Variants in WRAP73 observed in about 807,000 individuals in gnomAD.
The protein encoded by WRAP73 is WD repeat-containing protein WRAP73.
A neutral mutation model predicts 59.6 loss-of-function variants in WRAP73; 55 were observed. The observed-to-expected ratio is 0.92, with a 90% CI of 0.74 to 1.15. The LOEUF (loss-of-function observed/expected upper bound fraction) is 1.15. WRAP73 is among the 50% of genes most tolerant of loss of function. The pLI, the probability that WRAP73 is intolerant of heterozygous loss-of-function variation, is 0.00. For missense variants in WRAP73, 592 were observed against 608.1 expected (o/e 0.97, Z 0.28); for synonymous variants, 265 against 258.2 (o/e 1.03, Z -0.25).
intron 9 of WRAP73, 195 bp from the exon 10 acceptor site, chr1:3,632,533 C>T (rs893043582): frequency 1.9e-5 from 15 of 801,170 alleles, no homozygotes; most frequent in South Asian, 1.2e-4. Context: ...GCAAGTGCCC[C>T]GGATGAGAGT....
intron 10 of WRAP73, 33 bp from the exon 11 acceptor site, chr1:3,631,690 C>T (rs1164263108): frequency 7.0e-6 from 11 of 1,562,658 alleles, no homozygotes; most frequent in Non-Finnish European, 9.5e-6. Flanking sequence ...CCGGTGTCAT[C>T]CCTGCCTGGC....
At chr1:3,649,811 G>T in intron 1 of WRAP73, 120 bp downstream of exon 1, 1 of 1,096,106 alleles carries the variant, frequency 9.1e-7, no homozygotes, top group Non-Finnish European at 1.3e-6. Context: ...GCACCTGTCC[G>T]GGCACCGCAC....
At chr1:3,637,638 T>C (rs2101960534) in intron 4 of WRAP73, among the ~76,000 whole-genome samples, 1 of 152,314 alleles carries the variant, frequency 6.6e-6, no homozygotes, top group South Asian at 2.1e-4. Flanking sequence ...GCCTAGGAAT[T>C]TGAAAGGAGC....
intron 8 of WRAP73, chr1:3,633,960 C>T (rs1273850921): frequency 1.2e-5 from 2 of 161,344 alleles, no homozygotes; most frequent in East Asian, 1.9e-4. Context: ...AGGCGGGCAG[C>T]CCCTACGCCC....
At chr1:3,634,612 G>C in intron 8 of WRAP73, 2 of 273,310 alleles carry the variant, frequency 7.3e-6, no homozygotes, top group Non-Finnish European at 1.4e-5. Flanking sequence ...GCAGGGGTCT[G>C]TCTCTTCTTC....
Position 3,631,040 on chromosome 1 carries a change from G to A in WRAP73, c.1318C>T (p.Leu440Phe), listed in dbSNP as rs1644526980. ...MALLSKDHFCLCFLETEAVVG... is the reference protein window; with the variant it reads ...MALLSKDHFCFCFLETEAVVG... ...ACTGCCTCTGTCTCCAGGAAGCAGA[G>A]GCAGAAGTGATCCTTGCTGAGGAGG... Residue 440 changes from leucine to phenylalanine, a missense_variant, in exon 12 of 12, where the codon CTC becomes TTC. Leu to Phe is a conservative substitution (Grantham distance 22, BLOSUM62 0). Coordinates refer to ENST00000270708, the MANE Select transcript of WRAP73 (RefSeq NM_017818.4). The A allele has an allele frequency of 1.2e-6, 2 of 1,613,102 alleles. No homozygotes were observed. The highest frequency in any genetic ancestry group is 1.7e-6 in the Non-Finnish European group (2 of 1,180,022).
At chr1:3,642,674 T>C (rs371023322) in intron 3 of WRAP73, among the ~76,000 whole-genome samples, 7 of 150,392 alleles carry the variant, frequency 4.7e-5, no homozygotes, top group East Asian at 2.0e-4. Flanking sequence ...GAGGCGTAGG[T>C]TGCGGTGAGC....
intron 1 of WRAP73, among the ~76,000 whole-genome samples, chr1:3,649,341 C>A (rs1262221360): frequency 1.3e-5 from 2 of 152,158 alleles, no homozygotes; most frequent in African/African-American, 4.8e-5. Flanking sequence ...ATCATTTATT[C>A]GGCATGTGGT....
At chr1:3,648,944 G>A (rs183102144) in intron 1 of WRAP73, among the ~76,000 whole-genome samples, 84 of 152,302 alleles carry the variant, frequency 5.5e-4, no homozygotes, top group Middle Eastern at 6.8e-3. Context: ...AACGTAATTT[G>A]AGAGTTAAAC....
Position 3,633,239 on chromosome 1 carries a change from T to C in WRAP73, c.922+159A>G. 10 of 716,230 alleles carry C rather than the reference T, an allele frequency of 1.4e-5. No homozygotes were observed. The South Asian group carries it at 1.5e-4, about 11-fold the overall frequency. The allele number at this position is 716,230 out of a possible 1,614,324, so 44.4% of individuals were successfully genotyped here. On this transcript the variant is annotated intron_variant, in intron 9 of 11. Coordinates refer to ENST00000270708, the MANE Select transcript of WRAP73 (RefSeq NM_017818.4). ...GCCCACTGCGCAATTCAGACCCTAG[T>C]CAACCTCCAGCCAACAGGCTGAGGG...
At chr1:3,631,885 ATT>A (rs61056079) in intron 10 of WRAP73, 380 of 1,333,506 alleles carry the variant, frequency 2.8e-4, no homozygotes, top group Middle Eastern at 1.7e-3. Context: ...TTTCTTTGGT[ATT>A]TTTTTTTTTT....
At position 3,632,289 on chromosome 1, in the gene WRAP73, G is replaced by A. The variant is rs760781741; in HGVS notation, c.972C>T (p.Thr324=). The A allele has an allele frequency of 5.0e-5, 80 of 1,614,026 alleles. No homozygotes were observed. The highest frequency in any genetic ancestry group is 8.0e-5 in the African/African-American group (6 of 74,934). The part of the protein sequence containing the change: ...PVSLQTLKPV[T]DRANPKIGIG... Reference sequence around the variant, plus strand: ...TGCCGATTTTCGGGTTTGCTCTGTCGGTAACAGGTTTCAGTGTCTGTAAGG... The same window carrying A: ...TGCCGATTTTCGGGTTTGCTCTGTCAGTAACAGGTTTCAGTGTCTGTAAGG... Residue 324 remains threonine (T), a synonymous_variant, in exon 10 of 12, where the codon ACC becomes ACT. Coordinates refer to ENST00000270708, the MANE Select transcript of WRAP73 (RefSeq NM_017818.4).
chr1:3,640,107 A>G (rs555360769), intron 3 of WRAP73, among the ~76,000 whole-genome samples: 7 of 152,364 alleles, frequency 4.6e-5, no homozygotes, highest in African/African-American at 1.7e-4. Context: ...AGTCCTGAAC[A>G]CACAGGTAGT....
intron 3 of WRAP73, among the ~76,000 whole-genome samples, chr1:3,641,912 C>T (rs191149138): frequency 9.9e-5 from 15 of 152,228 alleles, no homozygotes; most frequent in Admixed American, 7.2e-4. Context: ...GTGGCACTGC[C>T]GCATTCGTAC....
At chr1:3,638,589 TG>T (rs1644610005) in intron 4 of WRAP73, among the ~76,000 whole-genome samples, 160 bp downstream of exon 4, 1 of 152,168 alleles carries the variant, frequency 6.6e-6, no homozygotes, top group African/African-American at 2.4e-5. Context: ...TATTTACAGA[TG>T]AAGTATGAGG....
At chr1:3,631,907 T>C in intron 10 of WRAP73, 2 of 1,387,862 alleles carry the variant, frequency 1.4e-6, no homozygotes, top group Non-Finnish European at 1.9e-6. Context: ...TTTTTAGCCC[T>C]TTACAAATGG....
chr1:3,633,496 T>C lies in WRAP73; in HGVS notation c.824A>G (p.Tyr275Cys). ...AAINDPKIVV[Y>C]KEAEKSPQLG... ...CTGTGGGCTCTTCTCGGCCTCCTTATACACCACCTGAAAGACACAAGGTGG... is the reference window on the plus strand; with the variant it reads ...CTGTGGGCTCTTCTCGGCCTCCTTACACACCACCTGAAAGACACAAGGTGG... The change falls in exon 9 of 12, where the codon TAT (tyrosine) becomes TGT (cysteine). Residue 275 changes from tyrosine to cysteine, a missense_variant. Coordinates refer to ENST00000270708, the MANE Select transcript of WRAP73 (RefSeq NM_017818.4). 6.3e-7 allele frequency: 1 copy of C among 1,599,040 alleles called. No individual in the cohort carries two copies. The highest frequency in any genetic ancestry group is 8.5e-7 in the Non-Finnish European group (1 of 1,175,398).
intron 11 of WRAP73, 62 bp from the exon 12 acceptor site, chr1:3,631,179 C>T (rs528972961): frequency 1.2e-6 from 2 of 1,604,146 alleles, no homozygotes; most frequent in Non-Finnish European, 1.7e-6. Context: ...GGGGGATGGG[C>T]ACCCCCTTGT....
Position 3,633,393 on chromosome 1 carries a change from C to T in WRAP73, c.922+5G>A, listed in dbSNP as rs1557454473. On this transcript the variant is annotated splice_donor_5th_base_variant and intron_variant, in intron 9 of 11. Transcript: ENST00000270708. ...AAAACAAATGACATCACATGTGCTA[C>T]TTACATTTACTCTCTGAGCTCGGGA... 2 of 1,611,816 alleles carry T rather than the reference C, an allele frequency of 1.2e-6. No individual in the cohort carries two copies. Among genetic ancestry groups the T allele is most frequent in the Non-Finnish European group, 1.7e-6 (2 of 1,178,956 alleles).
Sources: gnomAD v4.1 joint callset for allele counts (sites outside exome capture counted in the v4.1 genomes callset) on GRCh38, gnomAD v4.1.1 for gene constraint, MANE v1.5 for transcripts, NCBI Gene and HGNC (gene_info 2026-07-23, HGNC 2026-07-21) for gene names.